Variants in SETD2 observed in about 807,000 individuals in gnomAD.
SETD2 encodes histone-lysine N-methyltransferase SETD2.
A neutral mutation model predicts 242.1 loss-of-function variants in SETD2; 31 were observed. That is an observed-to-expected ratio of 0.13 (90% CI 0.10 to 0.17). The LOEUF is 0.17. Ranked by LOEUF, SETD2 falls within the 10% of genes least tolerant of loss-of-function variation. The probability of loss-of-function intolerance (pLI) is 1.00; values close to 1 mark genes in which losing one functional copy is unlikely to be tolerated. For synonymous variants in SETD2, 1,006 were observed against 1,066.5 expected (o/e 0.94, Z 1.11); for missense variants, 2,481 against 3,046.3 (o/e 0.81, Z 4.37).
chr3:47,150,280 C>T (rs1375319996), intron 1 of SETD2, among the ~76,000 whole-genome samples: 1 of 151,946 alleles, frequency 6.6e-6, no homozygotes, highest in African/African-American at 2.4e-5. Flanking sequence ...CCTTGTGATT[C>T]GCCCGCCTCG....
rs1188451668 is a variant in SETD2 at position 47,045,961 on chromosome 3, G to T, written c.7098+526C>A. ...TATTAACGGAACTATAAATTCCACA[G>T]AATTAAAAAAATTTTTTTTTTACAA... On this transcript the variant is annotated intron_variant, in intron 16 of 20. Transcript: ENST00000409792. Among the ~76,000 whole-genome samples the T allele has an allele frequency of 2.0e-5, 3 of 151,264 alleles. 1 individual carries two copies. The South Asian group carries it at 6.3e-4, about 32-fold the overall frequency.
chr3:47,063,990 A>G (rs2040449097), intron 13 of SETD2, among the ~76,000 whole-genome samples: 1 of 3,804 alleles, frequency 2.6e-4, no homozygotes. Context: ...CTCGGGAGGA[A>G]AAAAAAAAAC....
At chr3:47,056,062 TA>T (rs1188750643) in intron 15 of SETD2, among the ~76,000 whole-genome samples, 2,565 of 101,066 alleles carry the variant, frequency 0.025, 42 homozygotes, top group Non-Finnish European at 0.038. Flanking sequence ...TTGTATAATC[TA>T]AAAAAAAAAA....
At chr3:47,044,783 C>G (rs1455598837) in intron 16 of SETD2, among the ~76,000 whole-genome samples, 1 of 152,138 alleles carries the variant, frequency 6.6e-6, no homozygotes, top group Non-Finnish European at 1.5e-5. Flanking sequence ...GTATATCACA[C>G]AATTCTACAT....
Position 47,120,580 on chromosome 3 carries a change from C to T in SETD2, c.4056G>A (p.Gln1352=), listed in dbSNP as rs2107743225. 1 of 1,614,092 alleles carries T rather than the reference C, an allele frequency of 6.2e-7. No individual in the cohort carries two copies. The highest frequency in any genetic ancestry group is 8.5e-7 in the Non-Finnish European group (1 of 1,180,010). The change falls in exon 3 of 21, where the codon CAG becomes CAA. Residue 1352 remains glutamine, a synonymous_variant. Coordinates refer to ENST00000409792, the MANE Select transcript of SETD2 (RefSeq NM_014159.7). ...DQQDGSHFSD[Q]SDKFLLSLQK... is the part of the protein sequence containing the mutation. ...GAAGGGATAGAAGAAATTTATCGGA[C>T]TGGTCTGAAAAATGGGATCCATCCT...
At chr3:47,036,164 C>T (rs1415666671) in intron 18 of SETD2, among the ~76,000 whole-genome samples, 1 of 152,122 alleles carries the variant, frequency 6.6e-6, no homozygotes, top group Non-Finnish European at 1.5e-5. Flanking sequence ...CACCTATTCC[C>T]AATAATTTAA....
At chr3:47,098,818 T>C (rs1035259049) in intron 8 of SETD2, among the ~76,000 whole-genome samples, 1 of 151,940 alleles carries the variant, frequency 6.6e-6, no homozygotes, top group Admixed American at 6.6e-5. Context: ...ATAATAATAA[T>C]TGAGTATTCT....
At chr3:47,061,088 G>A (rs1253328598) in intron 14 of SETD2, among the ~76,000 whole-genome samples, 92 of 152,106 alleles carry the variant, frequency 6.0e-4, no homozygotes, top group African/African-American at 2.1e-3. Flanking sequence ...CATGGTGGCG[G>A]GCACCTGTAG....
Position 47,121,393 on chromosome 3 carries a change from T to G in SETD2, c.3243A>C (p.Glu1081Asp), listed in dbSNP as rs766309787. 4 of 1,610,180 alleles carry G rather than the reference T, an allele frequency of 2.5e-6. No individual in the cohort carries two copies. The Admixed American group carries it at 6.7e-5, about 27-fold the overall frequency. Residue 1081 changes from glutamate (E) to aspartate (D), a missense_variant, in exon 3 of 21, where the codon GAA becomes GAC. Transcript: ENST00000409792. ...TCCGAGAAGAACAAGGACTTGTTTC[T>G]TCCATGGGCAAAGTAGAATTCTTTG... is the stretch of plus-strand genomic sequence containing the variant. ...VVPKNSTLPMEETSPCSSRSS... is the reference protein window; with the variant it reads ...VVPKNSTLPMDETSPCSSRSS...
chr3:47,097,388 T>C (rs9311403), intron 9 of SETD2, among the ~76,000 whole-genome samples: 99,203 of 151,976 alleles, frequency 0.65, 32,811 homozygotes, highest in African/African-American at 0.76. Flanking sequence ...CAATTGATAG[T>C]CCCTTTAGTA....
chr3:47,119,377 A>G (rs2042983345), intron 3 of SETD2: 1 of 152,464 alleles, frequency 6.6e-6, no homozygotes, highest in Non-Finnish European at 1.5e-5. Context: ...TGCCAGATTT[A>G]ATCTATTAAC....
intron 2 of SETD2, 33 bp from the exon 3 acceptor site, chr3:47,124,581 CAATA>C (rs1559751254): frequency 1.3e-6 from 2 of 1,491,712 alleles, no homozygotes; most frequent in Admixed American, 4.6e-5. Flanking sequence ...ATTACTACTA[CAATA>C]AATAGTTACT....
chr3:47,121,750 A>T lies in SETD2; in HGVS notation c.2886T>A (p.Ala962=), dbSNP rs2106659709. The change falls in exon 3 of 21, where the codon GCT becomes GCA. Residue 962 remains alanine (A), a synonymous_variant. Transcript: ENST00000409792. ...NGLSGKCLQE[A]QEEGNSILPE... ...GCAATATGGAATTCCCTTCTTCTTG[A>T]GCCTCTTGCAAACATTTCCCAGATA... 6.2e-7 allele frequency: 1 copy of T among 1,614,084 alleles called. No individual in the cohort carries two copies. Among genetic ancestry groups the T allele is most frequent in the Non-Finnish European group, 8.5e-7 (1 of 1,179,996 alleles).
At chr3:47,051,331 C>T (rs1435956644) in intron 15 of SETD2, among the ~76,000 whole-genome samples, 1 of 152,158 alleles carries the variant, frequency 6.6e-6, no homozygotes, top group Non-Finnish European at 1.5e-5. Flanking sequence ...TCTCAAACTA[C>T]TAGGCTCAAG....
At chr3:47,053,610 T>C (rs907490127) in intron 15 of SETD2, among the ~76,000 whole-genome samples, 1 of 152,198 alleles carries the variant, frequency 6.6e-6, no homozygotes, top group African/African-American at 2.4e-5. Context: ...ATACTGAATA[T>C]GTAGATACAC....
intron 9 of SETD2, among the ~76,000 whole-genome samples, chr3:47,090,682 G>A (rs766766024): frequency 2.6e-5 from 4 of 152,026 alleles, no homozygotes; most frequent in Non-Finnish European, 5.9e-5. Flanking sequence ...GAGCCACTGC[G>A]CCCAGCCCAA....
intron 5 of SETD2, among the ~76,000 whole-genome samples, chr3:47,108,369 A>C (rs988082507): frequency 6.6e-6 from 1 of 152,198 alleles, no homozygotes; most frequent in Non-Finnish European, 1.5e-5. Context: ...AAATAAAAAT[A>C]AAGCATATTG....
At chr3:47,110,208 G>A (rs1219594564) in intron 5 of SETD2, among the ~76,000 whole-genome samples, 3 of 152,058 alleles carry the variant, frequency 2.0e-5, no homozygotes, top group South Asian at 2.1e-4. Context: ...ACGAAATACC[G>A]AGAATAGATC....
intron 18 of SETD2, among the ~76,000 whole-genome samples, chr3:47,033,190 T>C (rs2038852395): frequency 6.6e-6 from 1 of 152,216 alleles, no homozygotes; most frequent in African/African-American, 2.4e-5. Context: ...TAAACAGAGC[T>C]ATTCCCCAAA....
Sources: gnomAD v4.1 joint callset for allele counts (sites outside exome capture counted in the v4.1 genomes callset) on GRCh38, gnomAD v4.1.1 for gene constraint, MANE v1.5 for transcripts, NCBI Gene and HGNC (gene_info 2026-07-23, HGNC 2026-07-21) for gene names.